Variants in DBF4B observed in about 807,000 individuals in gnomAD.
The protein encoded by DBF4B is protein DBF4 homolog B.
A neutral mutation model predicts 53.4 loss-of-function variants in DBF4B; 49 were observed. The observed-to-expected ratio is 0.92, with a 90% CI of 0.73 to 1.16. The LOEUF (loss-of-function observed/expected upper bound fraction) is 1.16, where lower values mean the gene tolerates loss of function less well. DBF4B is among the 50% of genes most tolerant of loss of function. The probability of loss-of-function intolerance (pLI) is 0.00; values close to 1 mark genes in which losing one functional copy is unlikely to be tolerated. For synonymous variants in DBF4B, 257 were observed against 288.7 expected (o/e 0.89, Z 1.11); for missense variants, 692 against 775.0 (o/e 0.89, Z 1.27).
chr17:44,733,905 G>A (rs1975089644), intron 6 of DBF4B, 185 bp from the exon 7 acceptor site: 1 of 592,070 alleles, frequency 1.7e-6, no homozygotes, highest in African/African-American at 1.9e-5. Context: ...CAGGGATAGA[G>A]GACCCAGTCC....
chr17:44,750,420 T>C (rs2049251540), intron 13 of DBF4B, 175 bp from the exon 14 acceptor site: 1 of 985,418 alleles, frequency 1.0e-6, no homozygotes, highest in South Asian at 4.7e-5. Context: ...ACTCAAGTTA[T>C]TAGTTTGGAA....
intron 8 of DBF4B, 86 bp from the exon 9 acceptor site, chr17:44,738,292 CT>C (rs1975661081): frequency 1.4e-6 from 2 of 1,436,806 alleles, no homozygotes; most frequent in East Asian, 4.7e-5. Flanking sequence ...TTGGCAGAGC[CT>C]TCCCTCTCAG....
rs781371792 is a variant in DBF4B at position 44,736,846 on chromosome 17, CAG to C, written c.650_651del (p.Glu217ValfsTer19). On this transcript the variant is annotated frameshift_variant, in exon 8 of 14. Transcript: ENST00000315005. LOFTEE classifies it high-confidence loss of function. ...TCCATTTAGGGAACATGTCCAGCAG[CAG>C]AGTCAAGAACACGGAAAGGTCAGTG... 3.7e-6 allele frequency: 6 copies of C among 1,613,962 alleles called. No homozygotes were observed. Among genetic ancestry groups the C allele is most frequent in the Middle Eastern group, 3.3e-4 (2 of 6,084 alleles).
At chr17:44,736,789 G>A (rs200136289) in intron 7 of DBF4B, 41 bp from the exon 8 acceptor site, 20 of 1,612,848 alleles carry the variant, frequency 1.2e-5, no homozygotes, top group Non-Finnish European at 1.7e-5. Context: ...TGACCCCCGT[G>A]GCTTCCTCAC....
chr17:44,736,412 G>C (rs887914069), intron 7 of DBF4B, among the ~76,000 whole-genome samples: 1 of 152,086 alleles, frequency 6.6e-6, no homozygotes, highest in Non-Finnish European at 1.5e-5. Context: ...AGTCCTATAG[G>C]GTACCTGGAA....
chr17:44,712,002 C>A (rs1598751873), intron 2 of DBF4B, among the ~76,000 whole-genome samples: 2 of 150,668 alleles, frequency 1.3e-5, no homozygotes, highest in Non-Finnish European at 3.0e-5. Context: ...GAGGCTGAAG[C>A]AGGAGAATTG....
intron 7 of DBF4B, 51 bp downstream of exon 7, chr17:44,734,214 CA>C (rs1473706348): frequency 1.2e-6 from 2 of 1,611,680 alleles, no homozygotes; most frequent in Non-Finnish European, 1.7e-6. Flanking sequence ...TCAATGAAAT[CA>C]GTGACAACTT....
intron 4 of DBF4B, 130 bp downstream of exon 4, chr17:44,730,226 A>G (rs1310468090): frequency 9.5e-7 from 1 of 1,054,964 alleles, no homozygotes; most frequent in African/African-American, 1.6e-5. Context: ...TCAGGGACTG[A>G]GAATATTTTA....
chr17:44,718,422 CAAA>C (rs910495325), intron 2 of DBF4B, among the ~76,000 whole-genome samples: 14 of 102,150 alleles, frequency 1.4e-4, no homozygotes, highest in Admixed American at 9.9e-5. Context: ...GACTCTATCT[CAAA>C]AAAAAAAAAA....
chr17:44,748,749 C>T, intron 13 of DBF4B: 1 of 1,347,778 alleles, frequency 7.4e-7, no homozygotes, highest in Non-Finnish European at 9.7e-7. Flanking sequence ...GAGTGGGGGC[C>T]TCCTGGCCAC....
intron 2 of DBF4B, among the ~76,000 whole-genome samples, chr17:44,717,570 G>A (rs1428167946): frequency 1.3e-5 from 2 of 151,974 alleles, no homozygotes; most frequent in African/African-American, 4.8e-5. Flanking sequence ...TTAGCTGGAT[G>A]TAGTGGCAGG....
chr17:44,720,076 A>C, intron 2 of DBF4B: 1 of 248,952 alleles, frequency 4.0e-6, no homozygotes, highest in Non-Finnish European at 8.1e-6. Context: ...AACTTGATTG[A>C]GGACCAGAGG....
intron 2 of DBF4B, chr17:44,720,126 G>A (rs542030294): frequency 4.1e-5 from 12 of 290,942 alleles, no homozygotes; most frequent in Middle Eastern, 5.3e-4. Context: ...AACCACCCTC[G>A]CCTCTGTGGC....
chr17:44,751,546 T>G lies in DBF4B; in HGVS notation c.*293T>G. ...CCACCTCGCCAACCACTCTTGTTGGTTTCCTTCTCAGACTTGCCACCTTTC... is the reference window on the plus strand; with the variant it reads ...CCACCTCGCCAACCACTCTTGTTGGGTTCCTTCTCAGACTTGCCACCTTTC... On this transcript the variant is annotated 3_prime_UTR_variant, in exon 14 of 14. Transcript: ENST00000315005. 1 of 1,321,954 alleles carries G rather than the reference T, an allele frequency of 7.6e-7. No homozygotes were observed. The highest frequency in any genetic ancestry group is 9.6e-7 in the Non-Finnish European group (1 of 1,037,864). The allele number at this position is 1,321,954 out of a possible 1,614,324, so 81.9% of individuals were successfully genotyped here.
At chr17:44,738,522 T>C in intron 9 of DBF4B, 98 bp downstream of exon 9, 3 of 1,286,198 alleles carry the variant, frequency 2.3e-6, no homozygotes, top group Non-Finnish European at 3.3e-6. Context: ...TGTGAAGACA[T>C]GGAGCCCCTT....
intron 9 of DBF4B, among the ~76,000 whole-genome samples, chr17:44,738,701 C>T (rs536430107): frequency 3.3e-5 from 5 of 152,194 alleles, no homozygotes; most frequent in Admixed American, 6.5e-5. Context: ...TAATACTCTG[C>T]TCTATGAGCT....
At chr17:44,736,901 T>C (rs1449696852) in intron 8 of DBF4B, 35 bp downstream of exon 8, 1 of 1,608,196 alleles carries the variant, frequency 6.2e-7, no homozygotes, top group South Asian at 1.1e-5. Flanking sequence ...CTAATTGCAA[T>C]CCCTCCCTCC....
In DBF4B at chr17:44,741,424, A is replaced by C; in HGVS notation, c.802A>C (p.Thr268Pro). Residue 268 changes from threonine (T) to proline (P), a missense_variant, in exon 10 of 14, where the codon ACG becomes CCG. Transcript: ENST00000315005. ...PKDASPFEAP[T>P]TLGSMHHTRE... The stretch of plus-strand genomic sequence containing the variant: ...AGATGCAAGTCCCTTTGAGGCCCCG[A>C]CGACCCTGGGCAGCATGCACCATAC... 1 of 1,613,010 alleles carries C rather than the reference A, an allele frequency of 6.2e-7. No individual in the cohort carries two copies. The highest frequency in any genetic ancestry group is 1.3e-5 in the African/African-American group (1 of 74,984).
intron 2 of DBF4B, among the ~76,000 whole-genome samples, chr17:44,717,707 C>CGAA (rs1973448103): frequency 1.2e-5 from 1 of 85,764 alleles, no homozygotes; most frequent in African/African-American, 3.7e-5. Flanking sequence ...GACCTGGTCT[C>CGAA]AAAAAAAAAA....
Sources: allele counts gnomAD v4.1 joint callset (sites outside exome capture counted in the v4.1 genomes callset), GRCh38; gene constraint gnomAD v4.1.1; transcripts MANE v1.5; gene names NCBI Gene and HGNC (gene_info 2026-07-23, HGNC 2026-07-21).